Variants in ROR1 observed in about 807,000 individuals in gnomAD.
ROR1 encodes inactive tyrosine-protein kinase transmembrane receptor ROR1.
ROR1 carries 19 observed loss-of-function variants against 78.8 expected under a neutral mutation model. The ratio of observed to expected loss-of-function variants is 0.24; its 90% confidence interval spans 0.17 to 0.35. The LOEUF is 0.35. ROR1 is among the 10% of genes least tolerant of loss of function. The pLI is 1.00. For missense variants in ROR1, 917 were observed against 1,177.8 expected (o/e 0.78, Z 3.24); for synonymous variants, 386 against 433.6 (o/e 0.89, Z 1.36).
At chr1:64,123,692 A>AAG (rs1648620438) in intron 4 of ROR1, among the ~76,000 whole-genome samples, 1 of 6,710 alleles carries the variant, frequency 1.5e-4, no homozygotes, top group African/African-American at 3.9e-4. Context: ...GTATGATCTT[A>AAG]AAGTGATTTT....
chr1:63,880,015 G>T (rs1645312802), intron 1 of ROR1, among the ~76,000 whole-genome samples: 2 of 152,100 alleles, frequency 1.3e-5, no homozygotes, highest in Non-Finnish European at 2.9e-5. Flanking sequence ...GGTTTTGGTG[G>T]TTAGGAGGAC....
chr1:63,827,915 A>T (rs999541808), intron 1 of ROR1, among the ~76,000 whole-genome samples: 1 of 152,206 alleles, frequency 6.6e-6, no homozygotes, highest in Non-Finnish European at 1.5e-5. Flanking sequence ...TGTTTTTCTC[A>T]TTAGCTTCAG....
chr1:64,157,085 T>C (rs775758711), intron 7 of ROR1, among the ~76,000 whole-genome samples: 2 of 152,168 alleles, frequency 1.3e-5, no homozygotes, highest in African/African-American at 4.8e-5. Flanking sequence ...ATAGTAATAA[T>C]AGCTAACATG....
chr1:64,162,724 T>A (rs3884549), intron 8 of ROR1, among the ~76,000 whole-genome samples: 75,922 of 152,138 alleles, frequency 0.5, 20,429 homozygotes, highest in Non-Finnish European at 0.6. Context: ...TACTGTAGTG[T>A]TGCCTAAACT....
At chr1:63,890,579 T>C (rs1196177046) in intron 1 of ROR1, among the ~76,000 whole-genome samples, 2 of 151,914 alleles carry the variant, frequency 1.3e-5, no homozygotes, top group Non-Finnish European at 2.9e-5. Context: ...AAAGAGTAAT[T>C]TACTCTGGTT....
At chr1:63,785,093 A>T (rs1344498866) in intron 1 of ROR1, among the ~76,000 whole-genome samples, 1 of 152,230 alleles carries the variant, frequency 6.6e-6, no homozygotes, top group Non-Finnish European at 1.5e-5. Flanking sequence ...AAAGGCTCTT[A>T]TCTGTTCTTC....
chr1:64,128,511 T>A (rs1385485352), intron 4 of ROR1, among the ~76,000 whole-genome samples: 1 of 151,458 alleles, frequency 6.6e-6, no homozygotes, highest in Non-Finnish European at 1.5e-5. Flanking sequence ...GTGGCTGGGG[T>A]GGGGAAGTAG....
At chr1:63,815,956 C>T (rs1644889639) in intron 1 of ROR1, among the ~76,000 whole-genome samples, 1 of 152,158 alleles carries the variant, frequency 6.6e-6, no homozygotes, top group East Asian at 1.9e-4. Context: ...GGGGCTGCCA[C>T]ATCTGTGACT....
At position 64,053,329 on chromosome 1, in the gene ROR1, G is replaced by A. The variant is rs374202125; in HGVS notation, c.482+2613G>A. 4.6e-5 allele frequency among the ~76,000 whole-genome samples: 7 copies of A among 152,316 alleles called. No homozygotes were observed. The East Asian group carries it at 7.7e-4, about 17-fold the overall frequency. On this transcript the variant is annotated intron_variant, in intron 4 of 8. Transcript: ENST00000371079. The stretch of plus-strand genomic sequence containing the variant: ...AACTCCTGCCTGGGAAGGGCTTGTA[G>A]GGACCCTTGGGACTATGGCCCAGAA...
At chr1:64,000,011 T>G (rs1646369589) in intron 1 of ROR1, among the ~76,000 whole-genome samples, 1 of 152,116 alleles carries the variant, frequency 6.6e-6, no homozygotes, top group South Asian at 2.1e-4. Flanking sequence ...AGACAATTAG[T>G]AGGTAATAGA....
intron 2 of ROR1, among the ~76,000 whole-genome samples, chr1:64,037,222 A>G (rs1394920153): frequency 1.3e-5 from 2 of 152,174 alleles, no homozygotes; most frequent in Non-Finnish European, 2.9e-5. Context: ...CACAGACTCC[A>G]CCTTCTCATA....
intron 1 of ROR1, among the ~76,000 whole-genome samples, chr1:63,796,262 G>C (rs1644759248): frequency 6.6e-6 from 1 of 152,080 alleles, no homozygotes; most frequent in Admixed American, 6.5e-5. Flanking sequence ...CTAACTAGCT[G>C]TGTGGCCCCA....
intron 1 of ROR1, among the ~76,000 whole-genome samples, chr1:63,899,569 A>G (rs562471439): frequency 1.3e-5 from 2 of 152,112 alleles, no homozygotes; most frequent in African/African-American, 2.4e-5. Context: ...CCTTAAGCCC[A>G]AGCCTCTTTT....
At chr1:63,806,056 A>G (rs1030001869) in intron 1 of ROR1, among the ~76,000 whole-genome samples, 1 of 152,220 alleles carries the variant, frequency 6.6e-6, no homozygotes, top group African/African-American at 2.4e-5. Context: ...TGTATAAGAC[A>G]TATTTTATTG....
intron 4 of ROR1, among the ~76,000 whole-genome samples, chr1:64,078,277 G>A (rs1328823356): frequency 6.6e-6 from 1 of 152,152 alleles, no homozygotes; most frequent in Non-Finnish European, 1.5e-5. Flanking sequence ...AAAAGAATAG[G>A]AGTTTGCCAA....
At chr1:64,081,566 CAGG>C (rs906787729) in intron 4 of ROR1, among the ~76,000 whole-genome samples, 7 of 151,856 alleles carry the variant, frequency 4.6e-5, no homozygotes, top group Admixed American at 4.6e-4. Flanking sequence ...TGCTTGGGCT[CAGG>C]AGTTCGAGAC....
intron 4 of ROR1, among the ~76,000 whole-genome samples, chr1:64,090,871 T>C (rs1434463963): frequency 6.6e-6 from 1 of 152,200 alleles, no homozygotes; most frequent in African/African-American, 2.4e-5. Context: ...AACTCAGTTC[T>C]GTCTAGAGGC....
intron 1 of ROR1, among the ~76,000 whole-genome samples, chr1:63,928,491 T>A (rs80152512): frequency 0.034 from 5,118 of 152,318 alleles, 127 homozygotes; most frequent in Middle Eastern, 0.058. Context: ...CTAATATGGT[T>A]ATTAGGGTAA....
At chr1:63,817,123 T>A (rs1339608220) in intron 1 of ROR1, among the ~76,000 whole-genome samples, 2 of 152,136 alleles carry the variant, frequency 1.3e-5, no homozygotes, top group Non-Finnish European at 2.9e-5. Context: ...TATAACACAG[T>A]GGGTAGAATG....
Sources: allele counts gnomAD v4.1 joint callset (sites outside exome capture counted in the v4.1 genomes callset), GRCh38; gene constraint gnomAD v4.1.1; transcripts MANE v1.5; gene names NCBI Gene and HGNC (gene_info 2026-07-23, HGNC 2026-07-21).